The following SYT10 variants were observed in gnomAD, a reference collection of about 807,000 sequenced individuals.
SYT10 encodes the protein synaptotagmin 10.
In SYT10, 31 loss-of-function variants were observed where a neutral mutation model predicts 51.1. That is an observed-to-expected ratio of 0.61 (90% CI 0.46 to 0.82). The LOEUF is 0.82. Ranked by LOEUF, SYT10 falls within the 40% of genes least tolerant of loss-of-function variation. The pLI is 0.00. For missense variants in SYT10, 603 were observed against 634.0 expected (o/e 0.95, Z 0.53); for synonymous variants, 233 against 225.9 (o/e 1.03, Z -0.28).
At position 33,376,902 on chromosome 12, in the gene SYT10, C is replaced by T. The variant is rs1310614362; in HGVS notation, c.1501-1G>A. 5 of 1,613,784 alleles carry T rather than the reference C, an allele frequency of 3.1e-6. No individual in the cohort carries two copies. The highest frequency in any genetic ancestry group is 4.2e-6 in the Non-Finnish European group (5 of 1,179,922). ...CAAAACTGGTCGCCCGGCCAGGTAA[C>T]TGAAAGACAAAAATTTCATAATGTA... is the stretch of plus-strand genomic sequence containing the variant. On this transcript the variant is annotated splice_acceptor_variant, in intron 6 of 6. Coordinates refer to ENST00000228567, the MANE Select transcript of SYT10 (RefSeq NM_198992.4). LOFTEE classifies it high-confidence loss of function.
intron 2 of SYT10, among the ~76,000 whole-genome samples, chr12:33,414,037 G>A (rs902896864): frequency 1.3e-5 from 2 of 151,922 alleles, no homozygotes; most frequent in African/African-American, 4.8e-5. Flanking sequence ...TGCAATCCTA[G>A]TATCTGATAA....
intron 3 of SYT10, among the ~76,000 whole-genome samples, chr12:33,390,975 G>C (rs1346666428): frequency 6.6e-6 from 1 of 152,020 alleles, no homozygotes; most frequent in East Asian, 1.9e-4. Context: ...GTCTCCCTCT[G>C]TTGCCCAGGC....
Position 33,382,581 on chromosome 12 carries a change from T to C in SYT10, c.1199-61A>G. On this transcript the variant is annotated intron_variant, in intron 4 of 6. Coordinates refer to ENST00000228567, the MANE Select transcript of SYT10 (RefSeq NM_198992.4). ...TAATAGTACAAAGCATAAATAAAAC[T>C]GCAGTTTATTTTTACTAAATAAGAC... 3.4e-6 allele frequency: 5 copies of C among 1,452,756 alleles called. No individual in the cohort carries two copies. In the South Asian group the frequency reaches 7.6e-5, roughly 22 times the overall value. The allele number at this position is 1,452,756 out of a possible 1,614,324, so 90.0% of individuals were successfully genotyped here.
intron 2 of SYT10, among the ~76,000 whole-genome samples, chr12:33,420,757 G>A (rs2138427708): frequency 6.6e-6 from 1 of 152,280 alleles, no homozygotes; most frequent in East Asian, 1.9e-4. Context: ...ATTTTGTAAG[G>A]ATGTGACTCT....
At chr12:33,423,842 G>A in intron 2 of SYT10, 1 of 421,906 alleles carries the variant, frequency 2.4e-6, no homozygotes, top group Non-Finnish European at 4.7e-6. Flanking sequence ...CATGACTTCA[G>A]GCAAATTTTT....
At chr12:33,411,990 G>T (rs1203557200) in intron 2 of SYT10, among the ~76,000 whole-genome samples, 1 of 151,976 alleles carries the variant, frequency 6.6e-6, no homozygotes, top group Non-Finnish European at 1.5e-5. Context: ...AGATATTTAG[G>T]ATATTTTATT....
rs780393276 is a variant in SYT10, at chr12:33,439,490, A to T, written c.33T>A (p.Ser11Arg). 2.5e-5 allele frequency: 41 copies of T among 1,613,980 alleles called. No individual in the cohort carries two copies. In the African/African-American group the frequency reaches 4.9e-4, roughly 19 times the overall value. Residue 11 changes from serine to arginine, a missense_variant, in exon 1 of 7, where the codon AGT becomes AGA. Physicochemically the swap from Ser to Arg is moderately radical, Grantham distance 110. Transcript: ENST00000228567. Reference protein sequence around the residue: MSFHKEDGVNSLCQKALHIVT... With the variant: MSFHKEDGVNRLCQKALHIVT... ...CGATGTGCAGAGCCTTCTGGCACAG[A>T]CTGTTCACTCCGTCCTCCTTGTGGA...
chr12:33,427,602 TA>T (rs1866563473), intron 1 of SYT10, among the ~76,000 whole-genome samples: 1 of 152,148 alleles, frequency 6.6e-6, no homozygotes, highest in African/African-American at 2.4e-5. Flanking sequence ...TCCTGAAAAA[TA>T]AAACGAAAAT....
Position 33,439,792 on chromosome 12 carries a change from C to A in SYT10, c.-270G>T. 2.2e-6 allele frequency: 1 copy of A among 464,786 alleles called. No homozygotes were observed. The highest frequency in any genetic ancestry group is 3.8e-6 in the Non-Finnish European group (1 of 260,558). 28.8% of individuals were successfully genotyped at this position (464,786 alleles called of 1,614,324 possible). On this transcript the variant is annotated 5_prime_UTR_variant, in exon 1 of 7. Transcript: ENST00000228567. ...CCCGCCGCGCGAGCGAGCCGAGGCGCGCTGGAACTAGAGACCCGGCATGGA... is the reference window on the plus strand; with the variant it reads ...CCCGCCGCGCGAGCGAGCCGAGGCGAGCTGGAACTAGAGACCCGGCATGGA...
intron 2 of SYT10, among the ~76,000 whole-genome samples, chr12:33,407,614 T>C (rs1191836530): frequency 6.6e-6 from 1 of 152,228 alleles, no homozygotes; most frequent in Non-Finnish European, 1.5e-5. Flanking sequence ...TGTTTTGTTT[T>C]TTGTTTTTTG....
At chr12:33,407,689 T>C (rs2138416263) in intron 2 of SYT10, 1 of 200,720 alleles carries the variant, frequency 5.0e-6, no homozygotes, top group South Asian at 1.2e-4. Context: ...CACTGTAGCT[T>C]AAAACTCCTG....
intron 3 of SYT10, among the ~76,000 whole-genome samples, chr12:33,406,135 A>C (rs2138414122): frequency 6.6e-6 from 1 of 152,226 alleles, no homozygotes; most frequent in Non-Finnish European, 1.5e-5. Flanking sequence ...ATTTTATGCT[A>C]TGTGTTTTTA....
At chr12:33,393,226 T>A (rs1220778816) in intron 3 of SYT10, among the ~76,000 whole-genome samples, 1 of 152,028 alleles carries the variant, frequency 6.6e-6, no homozygotes, top group Non-Finnish European at 1.5e-5. Flanking sequence ...TAGCCCAACA[T>A]AGATACTGAG....
intron 3 of SYT10, among the ~76,000 whole-genome samples, chr12:33,401,221 G>A (rs1337203009): frequency 6.6e-6 from 1 of 151,856 alleles, no homozygotes; most frequent in Non-Finnish European, 1.5e-5. Flanking sequence ...CTAAATTCCC[G>A]TGTGTCTTTA....
intron 4 of SYT10, among the ~76,000 whole-genome samples, chr12:33,384,335 T>C (rs953159414): frequency 1.3e-5 from 2 of 152,144 alleles, no homozygotes; most frequent in African/African-American, 2.4e-5. Flanking sequence ...CTTACAGTTC[T>C]CTTATGTTTT....
intron 1 of SYT10, among the ~76,000 whole-genome samples, chr12:33,428,742 T>C (rs926929025): frequency 5.9e-5 from 9 of 151,900 alleles, no homozygotes; most frequent in African/African-American, 9.7e-5. Context: ...CCGTCTCTAC[T>C]AAAAATACAA....
intron 3 of SYT10, among the ~76,000 whole-genome samples, chr12:33,401,324 T>C (rs1243842716): frequency 6.6e-6 from 1 of 152,196 alleles, no homozygotes; most frequent in Non-Finnish European, 1.5e-5. Flanking sequence ...TGTTTTTTAA[T>C]ATGATTATTC....
intron 3 of SYT10, among the ~76,000 whole-genome samples, chr12:33,391,837 A>G (rs1866210046): frequency 6.6e-6 from 1 of 152,206 alleles, no homozygotes; most frequent in African/African-American, 2.4e-5. Context: ...AAATGAGTAA[A>G]TAAATAATAA....
Position 33,439,359 on chromosome 12 carries a change from C to G in SYT10, c.151+13G>C, listed in dbSNP as rs1482196033. On this transcript the variant is annotated intron_variant, in intron 1 of 6. Coordinates refer to ENST00000228567, the MANE Select transcript of SYT10 (RefSeq NM_198992.4). ...GCGGAGCGCGAGGACGCGAGCGGAG[C>G]CCTCCCGGTTACCTGTGCTGCTTCC... 1.9e-6 allele frequency: 3 copies of G among 1,608,538 alleles called. No homozygotes were observed. Among genetic ancestry groups the G allele is most frequent in the Admixed American group, 3.4e-5 (2 of 59,686 alleles).
Sources: allele counts gnomAD v4.1 joint callset (sites outside exome capture counted in the v4.1 genomes callset), GRCh38; gene constraint gnomAD v4.1.1; transcripts MANE v1.5; gene names NCBI Gene and HGNC (gene_info 2026-07-23, HGNC 2026-07-21).